Variants in CES5A observed in about 807,000 individuals in gnomAD.
CES5A encodes the protein carboxylesterase 5A, also known as carboxylesterase 5.
In CES5A, 67 loss-of-function variants were observed where a neutral mutation model predicts 62.9. The observed-to-expected ratio is 1.07, with a 90% confidence interval of 0.88 to 1.31. CES5A has a LOEUF of 1.31. CES5A is among the 50% of genes most tolerant of loss of function. The pLI is 0.00. For synonymous variants in CES5A, 296 were observed against 280.8 expected (o/e 1.05, Z -0.54); for missense variants, 748 against 708.5 (o/e 1.06, Z -0.63).
At chr16:55,865,879 C>T in intron 5 of CES5A, 84 bp downstream of exon 5, 1 of 1,465,252 alleles carries the variant, frequency 6.8e-7, no homozygotes, top group East Asian at 2.3e-5. Context: ...AACATGAAGG[C>T]AACAATCAAA....
rs117490538 is a variant in CES5A, at chr16:55,891,565, C to T, written c.-255-17528G>A. On this transcript the variant is annotated intron_variant, in intron 1 of 12. Transcript: ENST00000518005. ...AGGACAACTCAAAGTGGGGAAGGGGCTTCCAGGTCACAGGTAGGTGACAGA... is the reference window on the plus strand; with the variant it reads ...AGGACAACTCAAAGTGGGGAAGGGGTTTCCAGGTCACAGGTAGGTGACAGA... Among the ~76,000 whole-genome samples the T allele has an allele frequency of 4.2e-3, 638 of 152,258 alleles. 12 individuals are homozygous for T. The East Asian group carries it at 0.046, about 11-fold the overall frequency.
intron 2 of CES5A, among the ~76,000 whole-genome samples, chr16:55,933,372 T>C (rs747530070): frequency 3.9e-5 from 6 of 152,194 alleles, no homozygotes; most frequent in Non-Finnish European, 7.3e-5. Flanking sequence ...GACTTGTTGA[T>C]AGATCAGATG....
At chr16:55,894,570 C>A (rs147413900) in intron 1 of CES5A, among the ~76,000 whole-genome samples, 11 of 150,528 alleles carry the variant, frequency 7.3e-5, no homozygotes, top group African/African-American at 2.7e-4. Flanking sequence ...TGGGTGACAT[C>A]GAAGAAAATG....
intron 2 of CES5A, among the ~76,000 whole-genome samples, chr16:55,948,905 A>C (rs1196702318): frequency 6.6e-6 from 1 of 152,210 alleles, no homozygotes; most frequent in East Asian, 1.9e-4. Flanking sequence ...GAATAGATGT[A>C]GTTGCCATTT....
Position 55,871,646 on chromosome 16 carries a change from G to T in CES5A, c.396C>A (p.Ala132=). Residue 132 remains alanine, a synonymous_variant, in exon 3 of 13, where the codon GCC becomes GCA. Coordinates refer to ENST00000290567, the MANE Select transcript of CES5A (RefSeq NM_001143685.2). ...LYLNIYAPAH[A]DTGSKLPVLV... ...TTACGGGGAGCTTGGAGCCTGTATC[G>T]GCGTGGGCAGGCGCATAGATGTTCA... 1 of 1,614,082 alleles carries T rather than the reference G, an allele frequency of 6.2e-7. No homozygotes were observed. Among genetic ancestry groups the T allele is most frequent in the East Asian group, 2.2e-5 (1 of 44,862 alleles).
chr16:55,865,440 T>G (rs1385546164), intron 5 of CES5A, among the ~76,000 whole-genome samples: 2 of 152,182 alleles, frequency 1.3e-5, no homozygotes, highest in Non-Finnish European at 1.5e-5. Flanking sequence ...GCGCCCACTG[T>G]AAAGAAACTG....
upstream of CES5A, among the ~76,000 whole-genome samples, chr16:55,930,235 G>A (rs1340479653): frequency 6.6e-6 from 1 of 150,664 alleles, no homozygotes; most frequent in Non-Finnish European, 1.5e-5. Flanking sequence ...AAGGACCAAT[G>A]TCTGACCAAC....
intron 1 of CES5A, among the ~76,000 whole-genome samples, chr16:55,891,525 A>T (rs1439993364): frequency 1.3e-5 from 2 of 152,182 alleles, no homozygotes; most frequent in African/African-American, 4.8e-5. Flanking sequence ...AGGCAGAACA[A>T]CTCGAAGCAA....
chr16:55,899,738 A>G (rs2033971195), intron 1 of CES5A, among the ~76,000 whole-genome samples: 1 of 152,206 alleles, frequency 6.6e-6, no homozygotes, highest in Non-Finnish European at 1.5e-5. Context: ...AGGTACTGAT[A>G]TCTACTGGGT....
At chr16:55,881,062 T>C (rs1258130174) in intron 1 of CES5A, among the ~76,000 whole-genome samples, 2 of 152,140 alleles carry the variant, frequency 1.3e-5, no homozygotes, top group Admixed American at 6.5e-5. Context: ...TCTGGATGGA[T>C]GCATTTGAGA....
At chr16:55,912,457 G>A (rs905661004) in intron 1 of CES5A, among the ~76,000 whole-genome samples, 8 of 152,152 alleles carry the variant, frequency 5.3e-5, no homozygotes, top group South Asian at 2.1e-4. Flanking sequence ...CACCAAGGGG[G>A]TGCTCAGAAA....
chr16:55,941,145 C>A (rs1483240349), intron 2 of CES5A, among the ~76,000 whole-genome samples: 1 of 151,922 alleles, frequency 6.6e-6, no homozygotes, highest in South Asian at 2.1e-4. Flanking sequence ...GAAGTCCTAG[C>A]TATTTGCAAT....
intron 11 of CES5A, among the ~76,000 whole-genome samples, chr16:55,848,424 T>C (rs2033060395): frequency 6.6e-6 from 1 of 152,184 alleles, no homozygotes; most frequent in Non-Finnish European, 1.5e-5. Flanking sequence ...CGGCCTTACA[T>C]GCATTTTAAA....
intron 1 of CES5A, among the ~76,000 whole-genome samples, chr16:55,896,859 G>A (rs907636602): frequency 1.3e-5 from 2 of 152,176 alleles, no homozygotes; most frequent in Non-Finnish European, 2.9e-5. Flanking sequence ...CTTGTGTAAG[G>A]CCCTGAATAC....
At chr16:55,934,109 T>C (rs2142471835) in intron 2 of CES5A, among the ~76,000 whole-genome samples, 1 of 152,276 alleles carries the variant, frequency 6.6e-6, no homozygotes, top group South Asian at 2.1e-4. Flanking sequence ...TCCTTGACTG[T>C]CCTATTTAAA....
At chr16:55,952,768 T>G (rs2034571848) in intron 1 of CES5A, among the ~76,000 whole-genome samples, 1 of 152,008 alleles carries the variant, frequency 6.6e-6, no homozygotes, top group Admixed American at 6.6e-5. Context: ...ATTAAAATAG[T>G]AATTTAAGAT....
At chr16:55,897,385 GA>G (rs1332832186) in intron 1 of CES5A, among the ~76,000 whole-genome samples, 1 of 152,082 alleles carries the variant, frequency 6.6e-6, no homozygotes, top group South Asian at 2.1e-4. Context: ...ACAGAAGGGG[GA>G]AAAAGGGTTC....
At chr16:55,946,872 C>T (rs1020770334) in intron 2 of CES5A, among the ~76,000 whole-genome samples, 3 of 152,188 alleles carry the variant, frequency 2.0e-5, no homozygotes, top group African/African-American at 7.2e-5. Context: ...TTAGCCAAGA[C>T]GTGTTTCTCT....
At chr16:55,855,211 G>A (rs551179430) in intron 9 of CES5A, among the ~76,000 whole-genome samples, 1 of 152,354 alleles carries the variant, frequency 6.6e-6, no homozygotes, top group Non-Finnish European at 1.5e-5. Flanking sequence ...GGAAGTGCAG[G>A]GGCATGTGGA....
Sources: gnomAD v4.1 joint callset for allele counts (sites outside exome capture counted in the v4.1 genomes callset) on GRCh38, gnomAD v4.1.1 for gene constraint, MANE v1.5 for transcripts, NCBI Gene and HGNC (gene_info 2026-07-23, HGNC 2026-07-21) for gene names.